LCP2: variants seen among roughly 807,000 people sequenced by gnomAD.
The protein encoded by LCP2 is 76 kDa tyrosine phosphoprotein.
In LCP2, 29 loss-of-function variants were observed where a neutral mutation model predicts 74.5. That is an observed-to-expected ratio of 0.39 (90% CI 0.29 to 0.53). LCP2 has a LOEUF of 0.53. Among genes scored for constraint, LCP2 ranks in the 20% least tolerant of loss-of-function variants. The probability of loss-of-function intolerance (pLI) is 0.72; values close to 1 mark genes in which losing one functional copy is unlikely to be tolerated. For missense variants in LCP2, 604 were observed against 634.6 expected (o/e 0.95, Z 0.52); for synonymous variants, 228 against 229.5 (o/e 0.99, Z 0.06).
intron 6 of LCP2, among the ~76,000 whole-genome samples, chr5:170,271,579 TA>T (rs1211630393): frequency 3.9e-5 from 6 of 152,190 alleles, no homozygotes; most frequent in Non-Finnish European, 7.4e-5. Flanking sequence ...TTAGATTTTT[TA>T]TTGTATTTTA....
chr5:170,258,957 CAAAT>C (rs1484096492), intron 14 of LCP2, 79 bp from the exon 15 acceptor site: 2 of 858,128 alleles, frequency 2.3e-6, no homozygotes, highest in East Asian at 2.6e-5. Context: ...ATTTCTCAAT[CAAAT>C]AAATCAAATA....
chr5:170,281,404 C>G (rs887880911), intron 3 of LCP2, among the ~76,000 whole-genome samples: 2 of 152,144 alleles, frequency 1.3e-5, no homozygotes, highest in African/African-American at 4.8e-5. Flanking sequence ...CTCAGCCTCC[C>G]GAGTAGCTGG....
chr5:170,271,573 A>G (rs1259172614), intron 6 of LCP2, among the ~76,000 whole-genome samples: 1 of 152,086 alleles, frequency 6.6e-6, no homozygotes, highest in African/African-American at 2.4e-5. Context: ...TAAATTTTAG[A>G]TTTTTTATTG....
intron 7 of LCP2, 91 bp downstream of exon 7, chr5:170,270,625 TACA>T: frequency 8.5e-7 from 1 of 1,172,736 alleles, no homozygotes. Flanking sequence ...AGCTTTCTGC[TACA>T]TGGGCAAGCT....
At chr5:170,272,442 T>C (rs1039559457) in intron 6 of LCP2, among the ~76,000 whole-genome samples, 1 of 152,078 alleles carries the variant, frequency 6.6e-6, no homozygotes, top group South Asian at 2.1e-4. Flanking sequence ...AAAGTTAACT[T>C]GGGCTATTTC....
chr5:170,263,190 G>A (rs539667021), intron 10 of LCP2, among the ~76,000 whole-genome samples, 198 bp from the exon 11 acceptor site: 1 of 152,278 alleles, frequency 6.6e-6, no homozygotes, highest in Non-Finnish European at 1.5e-5. Flanking sequence ...AAATTAAATG[G>A]CTTGACCATT....
At chr5:170,267,355 C>T (rs192358874) in intron 8 of LCP2, 2 of 511,314 alleles carry the variant, frequency 3.9e-6, no homozygotes, top group Non-Finnish European at 7.1e-6. Flanking sequence ...TCGTTAATGT[C>T]CTGCGAGGCC....
chr5:170,264,734 G>A (rs756962044), intron 10 of LCP2, among the ~76,000 whole-genome samples: 1 of 152,046 alleles, frequency 6.6e-6, no homozygotes, highest in Non-Finnish European at 1.5e-5. Flanking sequence ...AGGAGTTTGA[G>A]GCCGTAACGA....
intron 3 of LCP2, among the ~76,000 whole-genome samples, chr5:170,281,346 C>G (rs1762097079): frequency 6.6e-6 from 1 of 151,982 alleles, no homozygotes; most frequent in African/African-American, 2.4e-5. Context: ...GTGCCACGAT[C>G]TTGGCTCACT....
chr5:170,280,635 T>G (rs1762084207), intron 3 of LCP2, among the ~76,000 whole-genome samples: 1 of 152,206 alleles, frequency 6.6e-6, no homozygotes, highest in Non-Finnish European at 1.5e-5. Flanking sequence ...CCCTGTAGTT[T>G]TACATGGAGT....
At chr5:170,272,592 A>ATTTTTTT (rs1761913090) in intron 6 of LCP2, among the ~76,000 whole-genome samples, 13 of 34,318 alleles carry the variant, frequency 3.8e-4, no homozygotes, top group Admixed American at 4.2e-4. Flanking sequence ...CCCATCAAAT[A>ATTTTTTT]TTTTCTTTTT....
At chr5:170,281,897 T>C (rs1214835599) in intron 3 of LCP2, among the ~76,000 whole-genome samples, 2 of 152,228 alleles carry the variant, frequency 1.3e-5, no homozygotes, top group African/African-American at 4.8e-5. Flanking sequence ...ACACTGTGCA[T>C]TTAAATATAA....
intron 5 of LCP2, among the ~76,000 whole-genome samples, chr5:170,274,925 C>A (rs1291097914): frequency 6.7e-6 from 1 of 149,704 alleles, no homozygotes; most frequent in Non-Finnish European, 1.5e-5. Context: ...TGCAGTGAGC[C>A]GAGATCGTGC....
At chr5:170,285,690 C>T (rs1432049924) in intron 3 of LCP2, among the ~76,000 whole-genome samples, 1 of 152,200 alleles carries the variant, frequency 6.6e-6, no homozygotes, top group African/African-American at 2.4e-5. Context: ...GCACCATTTC[C>T]AGCCCTGTGA....
Position 170,248,647 on chromosome 5 carries a change from G to C in LCP2, c.*50C>G. On this transcript the variant is annotated 3_prime_UTR_variant, in exon 21 of 21. Coordinates refer to ENST00000046794, the MANE Select transcript of LCP2 (RefSeq NM_005565.5). The stretch of plus-strand genomic sequence containing the variant: ...CCATTGACCAAGGCTGATTGATCTC[G>C]TGTTGGCAACAGAGGCAGGAGGACG... 6 of 1,604,726 alleles carry C rather than the reference G, an allele frequency of 3.7e-6. No individual in the cohort carries two copies. Among genetic ancestry groups the C allele is most frequent in the Non-Finnish European group, 5.1e-6 (6 of 1,174,214 alleles).
rs770316826 is a variant in LCP2, at chr5:170,288,013, G to T, written c.145C>A (p.Leu49Met). 3.7e-6 allele frequency: 6 copies of T among 1,613,962 alleles called. No individual in the cohort carries two copies. The South Asian group carries it at 6.6e-5, about 18-fold the overall frequency. ...YHIDGARFLN[L>M]TENDIQKFPK... ...AACTTCTGGATGTCATTTTCTGTCA[G>T]GTTCTGAAATGAAGACACATATGGC... Residue 49 changes from leucine to methionine, a missense_variant, in exon 3 of 21, where the codon CTG (leucine) becomes ATG (methionine). Physicochemically the swap from Leu to Met is conservative, Grantham distance 15. Transcript: ENST00000046794.
At chr5:170,279,198 G>A (rs982128135) in intron 3 of LCP2, among the ~76,000 whole-genome samples, 2 of 152,186 alleles carry the variant, frequency 1.3e-5, no homozygotes, top group African/African-American at 2.4e-5. Flanking sequence ...AGCTGGCCCT[G>A]GAAATGGGCT....
At position 170,256,181 on chromosome 5, in the gene LCP2, ATGTGCATGTG is replaced by A. The variant is rs1761546525; in HGVS notation, c.1150+335_1150+344del. On this transcript the variant is annotated intron_variant, in intron 17 of 20. Transcript: ENST00000046794. This position sits in a 1 kb window ranked among gnomAD's most constrained non-coding sequence, Gnocchi z 4.5. ...TGTCCATGTATGTATGTGTGTATGC[ATGTGCATGTG>A]TGTGCATGTATTGTGTATGTGTATA... 6.6e-6 allele frequency among the ~76,000 whole-genome samples: 1 copy of A among 152,058 alleles called. No homozygotes were observed. Among genetic ancestry groups the A allele is most frequent in the Admixed American group, 6.6e-5 (1 of 15,246 alleles).
At chr5:170,289,072 C>A (rs1472232467) in intron 2 of LCP2, among the ~76,000 whole-genome samples, 1 of 152,184 alleles carries the variant, frequency 6.6e-6, no homozygotes, top group African/African-American at 2.4e-5. Context: ...ATTCACTTAG[C>A]AGCTGTGTCA....
Sources: gnomAD v4.1 joint callset for allele counts (sites outside exome capture counted in the v4.1 genomes callset) on GRCh38, gnomAD v4.1.1 for gene constraint, Gnocchi (gnomAD v3.1) non-coding constraint, MANE v1.5 for transcripts, NCBI Gene and HGNC (gene_info 2026-07-23, HGNC 2026-07-21) for gene names.